GALNT9: variants seen among roughly 807,000 people sequenced by gnomAD.
The protein encoded by GALNT9 is polypeptide N-acetylgalactosaminyltransferase 9.
GALNT9 carries 47 observed loss-of-function variants against 63.1 expected under a neutral mutation model. That is an observed-to-expected ratio of 0.75 (90% CI 0.59 to 0.95). The LOEUF (loss-of-function observed/expected upper bound fraction) is 0.95, where lower values mean the gene tolerates loss of function less well. Among genes scored for constraint, GALNT9 ranks in the 40% least tolerant of loss-of-function variants. The pLI, the probability that GALNT9 is intolerant of heterozygous loss-of-function variation, is 0.00. For synonymous variants in GALNT9, 396 were observed against 365.7 expected, an observed-to-expected ratio of 1.08 and a Z score of -0.94; for missense variants, 829 against 874.8, an observed-to-expected ratio of 0.95 and a Z score of 0.66.
intron 3 of GALNT9, among the ~76,000 whole-genome samples, 170 bp downstream of exon 3, chr12:132,262,289 C>T (rs1057396529): frequency 6.6e-5 from 10 of 152,174 alleles, no homozygotes; most frequent in African/African-American, 2.2e-4. Context: ...ACGTACGCAG[C>T]CATGACAGAG....
intron 1 of GALNT9, among the ~76,000 whole-genome samples, chr12:132,318,138 A>G (rs938075148): frequency 2.6e-5 from 4 of 152,208 alleles, no homozygotes; most frequent in Non-Finnish European, 5.9e-5. Flanking sequence ...GCTACTCGGG[A>G]GGCTGAGGCA....
In GALNT9 at chr12:132,327,979, C is replaced by T. The variant is rs954519809; in HGVS notation, c.238+987G>A. Among the ~76,000 whole-genome samples the T allele has an allele frequency of 2.6e-5, 4 of 152,176 alleles. No homozygotes were observed. The highest frequency in any genetic ancestry group is 2.1e-4 in the South Asian group (1 of 4,834). On this transcript the variant is annotated intron_variant, in intron 1 of 10. Coordinates refer to ENST00000328957, the MANE Select transcript of GALNT9 (RefSeq NM_001122636.2). The surrounding 1 kb of genome is among the most constrained non-coding windows in gnomAD (Gnocchi z 4.3). ...CGTCACCTCCCACTCGAGCCTGTTA[C>T]GGATGCTTTCTGGAGGAGGTTTGCT...
At chr12:132,217,887 ATC>A (rs1877282632) in intron 6 of GALNT9, among the ~76,000 whole-genome samples, 1 of 146,414 alleles carries the variant, frequency 6.8e-6, no homozygotes. Context: ...CCTAGCCACC[ATC>A]TCTATCCACC....
chr12:132,276,008 G>A (rs894806962), intron 2 of GALNT9, among the ~76,000 whole-genome samples: 30 of 152,352 alleles, frequency 2.0e-4, no homozygotes, highest in African/African-American at 6.7e-4. Flanking sequence ...GCATCGAGCC[G>A]GCTCTGCCCC....
At chr12:132,325,511 A>G (rs1310546871) in intron 1 of GALNT9, among the ~76,000 whole-genome samples, 4 of 152,184 alleles carry the variant, frequency 2.6e-5, no homozygotes, top group Middle Eastern at 3.2e-3. Flanking sequence ...TGAGCGTGCA[A>G]TGAGCGTGCA....
Position 132,310,764 on chromosome 12 carries a change from G to A in GALNT9, c.238+18202C>T, listed in dbSNP as rs533159873. The stretch of plus-strand genomic sequence containing the variant: ...GGGGAGGAAGGGGCAGAGGGAGCGC[G>A]CGCTGGGAAGGTGGGAGCCACGCTG... On this transcript the variant is annotated intron_variant, in intron 1 of 10. Transcript: ENST00000328957. This position sits in a 1 kb window ranked among gnomAD's most constrained non-coding sequence, Gnocchi z 4.8. Among the ~76,000 whole-genome samples, 18 of 152,138 alleles carry A rather than the reference G, an allele frequency of 1.2e-4. No homozygotes were observed. The highest frequency in any genetic ancestry group is 3.2e-3 in the Middle Eastern group (1 of 316).
At chr12:132,205,514 TCAGCC>T (rs1275002340) in intron 6 of GALNT9, 1 of 152,170 alleles carries the variant, frequency 6.6e-6, no homozygotes, top group Non-Finnish European at 1.5e-5. Context: ...GCTGCTCAGC[TCAGCC>T]CAGCCGGGGA....
intron 6 of GALNT9, among the ~76,000 whole-genome samples, chr12:132,210,945 T>C (rs1238350250): frequency 1.3e-5 from 2 of 151,940 alleles, no homozygotes; most frequent in African/African-American, 4.8e-5. Flanking sequence ...CACAACAGCT[T>C]TCTGAATCCT....
intron 5 of GALNT9, among the ~76,000 whole-genome samples, chr12:132,248,545 G>A (rs114225873): frequency 0.01 from 1,597 of 152,246 alleles, 19 homozygotes; most frequent in African/African-American, 0.034. Flanking sequence ...TCCCAAGTTC[G>A]AGTGAGTCAC....
chr12:132,273,679 C>A lies in GALNT9; in HGVS notation c.420-11054G>T, dbSNP rs968973408. 3.3e-5 allele frequency: 5 copies of A among 152,434 alleles called. No homozygotes were observed. The East Asian group carries it at 7.7e-4, about 23-fold the overall frequency. 9.4% of individuals were successfully genotyped at this position (152,434 alleles called of 1,614,324 possible). On this transcript the variant is annotated intron_variant, in intron 2 of 10. Transcript: ENST00000328957. ...GTTCTTTGCAGGACTTAAGTGGCGC[C>A]GTTTCTGTCAGACAGAAAATAAACT...
intron 2 of GALNT9, among the ~76,000 whole-genome samples, chr12:132,272,138 T>G (rs1379292701): frequency 2.0e-5 from 3 of 152,150 alleles, no homozygotes; most frequent in African/African-American, 7.2e-5. Flanking sequence ...TGGGGACAGA[T>G]GCACGGCGGG....
intron 6 of GALNT9, among the ~76,000 whole-genome samples, chr12:132,211,383 G>C (rs962534628): frequency 7.9e-5 from 12 of 152,174 alleles, no homozygotes; most frequent in African/African-American, 2.4e-4. Flanking sequence ...TTTGAGCCTA[G>C]TTATAATGAT....
chr12:132,250,379 C>T (rs1555238433), intron 5 of GALNT9, among the ~76,000 whole-genome samples: 2 of 152,188 alleles, frequency 1.3e-5, no homozygotes, highest in African/African-American at 4.8e-5. Context: ...AGCTGCACGA[C>T]ACTGTGATGG....
intron 6 of GALNT9, among the ~76,000 whole-genome samples, chr12:132,243,241 C>T (rs1238252552): frequency 9.1e-6 from 1 of 109,946 alleles, no homozygotes; most frequent in Non-Finnish European, 2.1e-5. Flanking sequence ...CGCCACACCC[C>T]CTTCCCGGGG....
At chr12:132,326,857 G>A (rs1386856087) in intron 1 of GALNT9, among the ~76,000 whole-genome samples, 2 of 152,210 alleles carry the variant, frequency 1.3e-5, no homozygotes, top group African/African-American at 2.4e-5. Flanking sequence ...CAACATCAGA[G>A]CGGGTAATGC....
rs77792686 is a variant in GALNT9 at position 132,268,618 on chromosome 12, C to T, written c.420-5993G>A. Among the ~76,000 whole-genome samples, 8 of 152,314 alleles carry T rather than the reference C, an allele frequency of 5.3e-5. No individual in the cohort carries two copies. The South Asian group carries it at 8.3e-4, about 16-fold the overall frequency. On this transcript the variant is annotated intron_variant, in intron 2 of 10. Coordinates refer to ENST00000328957, the MANE Select transcript of GALNT9 (RefSeq NM_001122636.2). Reference sequence around the variant, plus strand: ...CAGGTGTAGAAAGCCAAGCCACAGCCGACTGGAGAAAATACTTTCAAAGCA... The same window carrying T: ...CAGGTGTAGAAAGCCAAGCCACAGCTGACTGGAGAAAATACTTTCAAAGCA...
At chr12:132,222,760 C>T (rs1194589489) in intron 6 of GALNT9, among the ~76,000 whole-genome samples, 1 of 151,816 alleles carries the variant, frequency 6.6e-6, no homozygotes, top group Non-Finnish European at 1.5e-5. Flanking sequence ...AGGCCGCTTT[C>T]TCATGAACGA....
intron 2 of GALNT9, chr12:132,276,173 T>C (rs1312097376): frequency 6.6e-6 from 1 of 152,602 alleles, no homozygotes; most frequent in Non-Finnish European, 1.5e-5. Flanking sequence ...CCAGTGGGAG[T>C]GCATTCCCCT....
chr12:132,267,270 G>C (rs559517657), intron 2 of GALNT9, among the ~76,000 whole-genome samples: 30 of 152,294 alleles, frequency 2.0e-4, no homozygotes, highest in African/African-American at 7.2e-4. Context: ...GCTTGTGGCA[G>C]GGGTGGATGG....
Sources: allele counts gnomAD v4.1 joint callset (sites outside exome capture counted in the v4.1 genomes callset), GRCh38; gene constraint gnomAD v4.1.1; non-coding constraint Gnocchi (gnomAD v3.1); transcripts MANE v1.5; gene names NCBI Gene and HGNC (gene_info 2026-07-23, HGNC 2026-07-21).